Variants in SPTAN1 observed in about 807,000 individuals in gnomAD.
SPTAN1 encodes spectrin alpha, non-erythrocytic 1.
In SPTAN1, 61 loss-of-function variants were observed where a neutral mutation model predicts 331.3. The ratio of observed to expected loss-of-function variants is 0.18; its 90% confidence interval spans 0.15 to 0.23. The LOEUF (loss-of-function observed/expected upper bound fraction) is 0.23. Ranked by LOEUF, SPTAN1 falls within the 10% of genes least tolerant of loss-of-function variation. The pLI is 1.00. For missense variants in SPTAN1, 2,043 were observed against 3,147.9 expected, an observed-to-expected ratio of 0.65 and a Z score of 8.40; for synonymous variants, 1,153 against 1,173.9, an observed-to-expected ratio of 0.98 and a Z score of 0.36.
At chr9:128,558,440 C>T (rs1002939887) in intron 1 of SPTAN1, among the ~76,000 whole-genome samples, 2 of 152,190 alleles carry the variant, frequency 1.3e-5, no homozygotes, top group African/African-American at 4.8e-5. Flanking sequence ...TTCATTTCCC[C>T]TCCTTCAGTC....
intron 31 of SPTAN1, among the ~76,000 whole-genome samples, 169 bp downstream of exon 31, chr9:128,605,646 C>T (rs970663873): frequency 2.0e-5 from 3 of 152,172 alleles, no homozygotes; most frequent in African/African-American, 7.2e-5. Flanking sequence ...GAGCCGGAGA[C>T]CAGCCTGGGC....
At chr9:128,611,974 G>T in intron 38 of SPTAN1, 129 bp downstream of exon 38, 1 of 1,600,654 alleles carries the variant, frequency 6.2e-7, no homozygotes, top group South Asian at 1.1e-5. Flanking sequence ...CTGAATTACA[G>T]ATGGGGAATG....
chr9:128,582,911 A>G (rs1564224422), intron 14 of SPTAN1, 62 bp downstream of exon 14: 6 of 1,606,162 alleles, frequency 3.7e-6, no homozygotes, highest in Non-Finnish European at 8.5e-7. Flanking sequence ...AGCTCTCACA[A>G]ATAAATTGTA....
In SPTAN1 at chr9:128,603,538, C is replaced by A; in HGVS notation, c.3580-5C>A. Reference sequence around the variant, plus strand: ...GTTTTGCCTTCTGCTTTCCTCCCTACCTAGTCTGCTCGTCTGATGGTTCAC... The same window carrying A: ...GTTTTGCCTTCTGCTTTCCTCCCTAACTAGTCTGCTCGTCTGATGGTTCAC... On this transcript the variant is annotated splice_region_variant and splice_polypyrimidine_tract_variant and intron_variant, in intron 27 of 56. Transcript: ENST00000372739. 6.2e-7 allele frequency: 1 copy of A among 1,614,192 alleles called. No homozygotes were observed. The highest frequency in any genetic ancestry group is 8.5e-7 in the Non-Finnish European group (1 of 1,180,042).
intron 41 of SPTAN1, among the ~76,000 whole-genome samples, chr9:128,616,854 CCT>C (rs1857229053): frequency 6.6e-6 from 1 of 152,144 alleles, no homozygotes; most frequent in African/African-American, 2.4e-5. Flanking sequence ...ATGATTTGAA[CCT>C]GGGAAGTGGA....
At chr9:128,599,145 T>G (rs936552963) in intron 26 of SPTAN1, 159 bp downstream of exon 26, 2 of 791,934 alleles carry the variant, frequency 2.5e-6, no homozygotes, top group African/African-American at 3.4e-5. Flanking sequence ...ATTGATTTCT[T>G]TTTTTTTGAG....
At chr9:128,556,839 C>T (rs1032756156) in intron 1 of SPTAN1, among the ~76,000 whole-genome samples, 22 of 152,216 alleles carry the variant, frequency 1.4e-4, no homozygotes, top group Admixed American at 9.2e-4. Flanking sequence ...CCACTAAAAT[C>T]TGCAGCTAAG....
intron 51 of SPTAN1, 50 bp from the exon 52 acceptor site, chr9:128,630,271 C>T (rs1368761002): frequency 5.6e-6 from 9 of 1,604,696 alleles, no homozygotes; most frequent in Non-Finnish European, 7.7e-6. Flanking sequence ...ATTCTGAGCT[C>T]TCGGCCAGCT....
At chr9:128,580,806 G>GA in intron 10 of SPTAN1, 116 bp from the exon 11 acceptor site, 1 of 1,490,692 alleles carries the variant, frequency 6.7e-7, no homozygotes, top group Non-Finnish European at 9.2e-7. Context: ...TTGCAAATCG[G>GA]AAAAAAGGCC....
intron 41 of SPTAN1, among the ~76,000 whole-genome samples, chr9:128,617,025 T>G (rs1286987523): frequency 6.6e-6 from 1 of 151,746 alleles, no homozygotes; most frequent in Non-Finnish European, 1.5e-5. Context: ...ATCACTTGAA[T>G]CCAAGAGTTT....
At chr9:128,567,252 TG>T (rs2132967742) in intron 2 of SPTAN1, among the ~76,000 whole-genome samples, 1 of 152,300 alleles carries the variant, frequency 6.6e-6, no homozygotes, top group African/African-American at 2.4e-5. Context: ...AGGGAAGTTC[TG>T]GGTTAATCTC....
chr9:128,625,076 G>GT lies in SPTAN1; in HGVS notation c.5993-26dup. The GT allele has an allele frequency of 6.2e-7, 1 of 1,608,760 alleles. No individual in the cohort carries two copies. The highest frequency in any genetic ancestry group is 2.2e-5 in the East Asian group (1 of 44,854). On this transcript the variant is annotated intron_variant, in intron 46 of 56. Coordinates refer to ENST00000372739, the MANE Select transcript of SPTAN1 (RefSeq NM_001130438.3). This position sits in a 1 kb window ranked among gnomAD's most constrained non-coding sequence, Gnocchi z 4.1. ...TAATCCATCTCCACTGAGGAGGGCA[G>GT]TATATTTTCCACACTTCGTTTTCTA...
intron 1 of SPTAN1, among the ~76,000 whole-genome samples, chr9:128,558,995 A>G (rs903333263): frequency 1.3e-5 from 2 of 152,116 alleles, no homozygotes; most frequent in African/African-American, 4.8e-5. Context: ...GAGGGGGGAA[A>G]CTCTCACTAA....
At chr9:128,555,272 ATAAT>A (rs1848499713) in intron 1 of SPTAN1, 2 of 1,034,080 alleles carry the variant, frequency 1.9e-6, no homozygotes, top group South Asian at 1.4e-5. Context: ...TATTTTTTAA[ATAAT>A]CTGTTTTCTT....
rs756798259 is a variant in SPTAN1 at position 128,633,277 on chromosome 9, C to T, written c.7377C>T (p.Arg2459=). 5.0e-6 allele frequency: 8 copies of T among 1,613,934 alleles called. No homozygotes were observed. Among genetic ancestry groups the T allele is most frequent in the African/African-American group, 2.7e-5 (2 of 74,916 alleles). The change falls in exon 57 of 57, where the codon CGC becomes CGT. Residue 2459 remains arginine (R), a synonymous_variant. Transcript: ENST00000372739. ...AGCCCTACGTGGACGGCAAGGGCCGCGAGCTCCCCACCGCGTTCGACTACG... is the reference window on the plus strand; with the variant it reads ...AGCCCTACGTGGACGGCAAGGGCCGTGAGCTCCCCACCGCGTTCGACTACG... The part of the protein sequence containing the change: ...HMKPYVDGKG[R]ELPTAFDYVE...
chr9:128,566,672 G>T, intron 1 of SPTAN1, 66 bp from the exon 2 acceptor site: 2 of 1,608,572 alleles, frequency 1.2e-6, no homozygotes, highest in Non-Finnish European at 1.7e-6. Context: ...CCTTCAGAGA[G>T]GCTAATTACT....
chr9:128,614,059 T>G (rs1364948138), intron 40 of SPTAN1, among the ~76,000 whole-genome samples: 1 of 151,732 alleles, frequency 6.6e-6, no homozygotes, highest in Non-Finnish European at 1.5e-5. Flanking sequence ...TGGATGAAAA[T>G]TCAGTTTTAC....
Position 128,608,956 on chromosome 9 carries a change from G to C in SPTAN1, c.4574G>C (p.Arg1525Pro). Reference protein sequence around the residue: ...GHYAKGDISSRRNEVLDRWRR... With the variant: ...GHYAKGDISSPRNEVLDRWRR... Reference sequence around the variant, plus strand: ...TATGCCAAGGGAGACATTTCTAGCCGGCGCAATGAGGTCTTGGACAGGTGG... The same window carrying C: ...TATGCCAAGGGAGACATTTCTAGCCCGCGCAATGAGGTCTTGGACAGGTGG... Residue 1525 changes from arginine to proline, a missense_variant, in exon 35 of 57, where the codon CGG (arginine) becomes CCG (proline). Arg to Pro is a moderately radical substitution (Grantham distance 103, BLOSUM62 -2). This residue lies in a region of SPTAN1 where 40 missense variants were observed against 32.6 expected (regional missense o/e 1.23). Coordinates refer to ENST00000372739, the MANE Select transcript of SPTAN1 (RefSeq NM_001130438.3). 1 of 1,614,190 alleles carries C rather than the reference G, an allele frequency of 6.2e-7. No individual in the cohort carries two copies. The highest frequency in any genetic ancestry group is 8.5e-7 in the Non-Finnish European group (1 of 1,180,040).
intron 18 of SPTAN1, 100 bp downstream of exon 18, chr9:128,584,943 G>A: frequency 7.2e-7 from 1 of 1,392,098 alleles, no homozygotes; most frequent in Non-Finnish European, 1.0e-6. Context: ...CAGGCTCTGG[G>A]GCTGAATACC....
Sources: gnomAD v4.1 joint callset for allele counts (sites outside exome capture counted in the v4.1 genomes callset) on GRCh38, gnomAD v4.1.1 for gene constraint, gnomAD v4.1.1 regional missense constraint, Gnocchi (gnomAD v3.1) non-coding constraint, MANE v1.5 for transcripts, NCBI Gene and HGNC (gene_info 2026-07-23, HGNC 2026-07-21) for gene names.